SS18L2: variants seen among roughly 807,000 people sequenced by gnomAD.
The protein encoded by SS18L2 is SS18-like protein 2.
A neutral mutation model predicts 10.3 loss-of-function variants in SS18L2; 8 were observed. The observed-to-expected ratio is 0.78, with a 90% CI of 0.46 to 1.41. The LOEUF is 1.41. Among genes scored for constraint, SS18L2 ranks in the 40% most tolerant of loss-of-function variants. The pLI, the probability that SS18L2 is intolerant of heterozygous loss-of-function variation, is 0.00. For missense variants in SS18L2, 100 were observed against 96.2 expected (o/e 1.04, Z -0.17); for synonymous variants, 41 against 34.6 (o/e 1.19, Z -0.65).
chr3:42,588,358 T>C (rs1704693155), upstream of SS18L2, among the ~76,000 whole-genome samples: 1 of 152,052 alleles, frequency 6.6e-6, no homozygotes, highest in African/African-American at 2.4e-5. Context: ...TGAGCTGAGA[T>C]TGCACCAATG....
chr3:42,596,670 G>A lies in SS18L2; in HGVS notation c.*2161G>A, dbSNP rs1384386874. ...GACCAAATTGCATACTTTTATCTTC[G>A]AATCATCTAAAATATAATTTCAAAT... On this transcript the variant is annotated 3_prime_UTR_variant, in exon 3 of 3. Coordinates refer to ENST00000011691, the MANE Select transcript of SS18L2 (RefSeq NM_001370300.1). Among the ~76,000 whole-genome samples, 4 of 152,022 alleles carry A rather than the reference G, an allele frequency of 2.6e-5. No individual in the cohort carries two copies. The highest frequency in any genetic ancestry group is 2.9e-5 in the Non-Finnish European group (2 of 68,014).
intron 2 of SS18L2, among the ~76,000 whole-genome samples, chr3:42,592,311 G>A (rs137867743): frequency 0.03 from 4,508 of 151,412 alleles, 91 homozygotes; most frequent in Middle Eastern, 0.058. Context: ...AGCAATTCTC[G>A]TGCCTCAGCC....
At chr3:42,591,201 C>CATTTTTT (rs1553651059) in intron 1 of SS18L2, 2 of 487,886 alleles carry the variant, frequency 4.1e-6, no homozygotes, top group Non-Finnish European at 7.1e-6. Flanking sequence ...CCTTTCTCTC[C>CATTTTTT]TTTTTTTTTT....
rs1704998757 is a variant in SS18L2 at position 42,595,382 on chromosome 3, T to C, written c.*873T>C. The stretch of plus-strand genomic sequence containing the variant: ...TGTATCTCTGTAGTGTTGTTAATTA[T>C]GTGCCACTATCATCCACTTTTCCTG... On this transcript the variant is annotated 3_prime_UTR_variant, in exon 3 of 3. Coordinates refer to ENST00000011691, the MANE Select transcript of SS18L2 (RefSeq NM_001370300.1). Among the ~76,000 whole-genome samples, 1 of 152,250 alleles carries C rather than the reference T, an allele frequency of 6.6e-6. No individual in the cohort carries two copies. Among genetic ancestry groups the C allele is most frequent in the Admixed American group, 6.5e-5 (1 of 15,288 alleles).
chr3:42,583,713 G>A (rs1038410162), intron 1 of SS18L2, among the ~76,000 whole-genome samples: 1 of 152,130 alleles, frequency 6.6e-6, no homozygotes, highest in African/African-American at 2.4e-5. Context: ...TCTAATATGC[G>A]CAGGCACCAC....
rs1704981761 is a variant in SS18L2, at chr3:42,594,748, G to A, written c.*239G>A. 1 of 346,214 alleles carries A rather than the reference G, an allele frequency of 2.9e-6. No individual in the cohort carries two copies. The highest frequency in any genetic ancestry group is 4.9e-5 in the South Asian group (1 of 20,354). 21.4% of individuals were successfully genotyped at this position (346,214 alleles called of 1,614,324 possible). ...ATCCCTCAATAAGTTGAGCCCAGGT[G>A]TCCTCTTTCCTGAACTTGGAGCATG... On this transcript the variant is annotated 3_prime_UTR_variant, in exon 3 of 3. Coordinates refer to ENST00000011691, the MANE Select transcript of SS18L2 (RefSeq NM_001370300.1).
upstream of SS18L2, among the ~76,000 whole-genome samples, chr3:42,586,682 T>C (rs1218045934): frequency 6.6e-6 from 1 of 152,170 alleles, no homozygotes; most frequent in African/African-American, 2.4e-5. Flanking sequence ...CAGCTTCTTT[T>C]CCTCTGCCAT....
chr3:42,590,962 A>G lies in SS18L2; in HGVS notation c.65A>G (p.Gln22Arg). ...GKAEVNQETI[Q>R]RLLEENDQLI... Reference sequence around the variant, plus strand: ...GCGGAAGTCAATCAAGAGACTATCCAGCGGGTGAGCATCCACGCGGGCGGG... The same window carrying G: ...GCGGAAGTCAATCAAGAGACTATCCGGCGGGTGAGCATCCACGCGGGCGGG... The change falls in exon 1 of 3, where the codon CAG becomes CGG. Residue 22 changes from glutamine (Q) to arginine (R), a missense_variant. Gln to Arg is a conservative substitution (Grantham distance 43, BLOSUM62 1). Transcript: ENST00000011691. The G allele has an allele frequency of 2.3e-6, 1 of 443,742 alleles. No homozygotes were observed. The highest frequency in any genetic ancestry group is 3.9e-6 in the Non-Finnish European group (1 of 257,826). 27.5% of individuals were successfully genotyped at this position (443,742 alleles called of 1,614,324 possible).
At chr3:42,588,003 G>T (rs1233842646), upstream of SS18L2, among the ~76,000 whole-genome samples, 1 of 151,872 alleles carries the variant, frequency 6.6e-6, no homozygotes, top group Non-Finnish European at 1.5e-5. Flanking sequence ...AACCCCGGAG[G>T]TGGAGGTTGC....
At chr3:42,591,082 G>C (rs1391002909) in intron 1 of SS18L2, 116 bp downstream of exon 1, 2 of 1,204,690 alleles carry the variant, frequency 1.7e-6, no homozygotes, top group Non-Finnish European at 2.4e-6. Context: ...GAAGGGTGCT[G>C]AGCAGCCGGG....
chr3:42,590,859 C>T, upstream of SS18L2: 1 of 1,609,148 alleles, frequency 6.2e-7, no homozygotes. Context: ...TATCGTGGGT[C>T]GAGTTGCTTG....
chr3:42,590,328 G>A (rs1704774983), upstream of SS18L2, among the ~76,000 whole-genome samples: 1 of 152,128 alleles, frequency 6.6e-6, no homozygotes, highest in Non-Finnish European at 1.5e-5. Flanking sequence ...TGCCAGACAC[G>A]CTGGGTGAAG....
chr3:42,595,964 G>A lies in SS18L2; in HGVS notation c.*1455G>A, dbSNP rs1441577062. On this transcript the variant is annotated 3_prime_UTR_variant, in exon 3 of 3. Transcript: ENST00000011691. ...CATGTTAATCTATGTTAGCACTAAT[G>A]TGCTGAGGGCTCTGGCTCTTTCTTT... Among the ~76,000 whole-genome samples, 1 of 152,154 alleles carries A rather than the reference G, an allele frequency of 6.6e-6. No individual in the cohort carries two copies. The highest frequency in any genetic ancestry group is 1.5e-5 in the Non-Finnish European group (1 of 68,024).
At chr3:42,590,411 A>G (rs2125739318), upstream of SS18L2, among the ~76,000 whole-genome samples, 3 of 152,170 alleles carry the variant, frequency 2.0e-5, no homozygotes, top group Admixed American at 2.0e-4. Context: ...CGGGCGGATC[A>G]CGAGGTCAGG....
intron 2 of SS18L2, among the ~76,000 whole-genome samples, chr3:42,594,064 T>C (rs1704953827): frequency 6.6e-6 from 1 of 152,188 alleles, no homozygotes; most frequent in Non-Finnish European, 1.5e-5. Flanking sequence ...CTGAATGAGA[T>C]GGGAGCCTTT....
upstream of SS18L2, among the ~76,000 whole-genome samples, chr3:42,589,508 C>T (rs908456539): frequency 1.3e-5 from 2 of 152,174 alleles, no homozygotes; most frequent in African/African-American, 4.8e-5. Context: ...ACATCCACCA[C>T]GGATGGCTAG....
chr3:42,582,236 G>T (rs1333201998), intron 1 of SS18L2: 2 of 152,282 alleles, frequency 1.3e-5, no homozygotes, highest in African/African-American at 4.8e-5. Flanking sequence ...ACGTCCGGAG[G>T]TGAGAAGGAG....
exon 1 of SS18L2, chr3:42,581,921 G>A (rs1006704629): frequency 6.6e-6 from 1 of 152,326 alleles, no homozygotes; most frequent in Non-Finnish European, 1.5e-5. Context: ...TAGCCGACCG[G>A]GAGGGCTCGG....
intron 2 of SS18L2, among the ~76,000 whole-genome samples, chr3:42,593,743 G>C (rs1704939163): frequency 6.6e-6 from 1 of 152,314 alleles, no homozygotes; most frequent in African/African-American, 2.4e-5. Context: ...TAAGAATAAA[G>C]CAGAGTAAGT....
Sources: allele counts gnomAD v4.1 joint callset (sites outside exome capture counted in the v4.1 genomes callset), GRCh38; gene constraint gnomAD v4.1.1; transcripts MANE v1.5; gene names NCBI Gene and HGNC (gene_info 2026-07-23, HGNC 2026-07-21).